The following SLC25A30 variants were observed in gnomAD, a reference collection of about 807,000 sequenced individuals.
The protein encoded by SLC25A30 is kidney mitochondrial carrier protein 1.
Under a neutral mutation model 42.7 loss-of-function variants are expected in SLC25A30, and 29 were observed. The ratio of observed to expected loss-of-function variants is 0.68; its 90% CI spans 0.51 to 0.93. The LOEUF is 0.93. SLC25A30 is among the 40% of genes least tolerant of loss of function. The pLI is 0.00. For missense variants in SLC25A30, 300 were observed against 359.7 expected (o/e 0.83, Z 1.34); for synonymous variants, 124 against 131.0 (o/e 0.95, Z 0.37).
intron 8 of SLC25A30, 143 bp from the exon 9 acceptor site, chr13:45,397,481 A>G: frequency 1.7e-6 from 1 of 590,980 alleles, no homozygotes; most frequent in Non-Finnish European, 3.0e-6. Flanking sequence ...TCACCAGGTC[A>G]GGAGATCAAG....
At chr13:45,423,996 T>C in the SLC25A30 span, among the ~76,000 whole-genome samples, 3 of 70,652 alleles carry the variant, frequency 4.2e-5, no homozygotes, top group Non-Finnish European at 7.9e-5. Flanking sequence ...TATATAAATA[T>C]ATATAAAAAT....
At chr13:45,417,103 T>C (rs960672234) in intron 1 of SLC25A30, among the ~76,000 whole-genome samples, 5 of 152,196 alleles carry the variant, frequency 3.3e-5, no homozygotes. Context: ...AACCTCCGTC[T>C]CCTGGATTCA....
In SLC25A30 at chr13:45,394,531, G is replaced by A. The variant is rs978754788; in HGVS notation, c.*1443C>T. 5.4e-5 allele frequency: 53 copies of A among 985,248 alleles called. No individual in the cohort carries two copies. The African/African-American group carries it at 8.9e-4, about 17-fold the overall frequency. The allele number at this position is 985,248 out of a possible 1,614,324, so 61.0% of individuals were successfully genotyped here. A position where few individuals can be genotyped will look rare whatever the true frequency, so the allele number is the denominator to read the frequency against. The stretch of plus-strand genomic sequence containing the variant: ...TGTTGTTCTCAAAGGGGGAACTGAA[G>A]AGACCCAAATAAATATGTTCCCTGT... On this transcript the variant is annotated 3_prime_UTR_variant, in exon 10 of 10. Transcript: ENST00000519676.
upstream of SLC25A30, among the ~76,000 whole-genome samples, chr13:45,420,005 GA>G (rs376900234): frequency 9.8e-4 from 149 of 152,084 alleles, 1 homozygote; most frequent in African/African-American, 3.2e-3. Flanking sequence ...GGGAAGAAAG[GA>G]AAGGGGAAAG....
At chr13:45,396,941 G>T (rs974174818) in intron 9 of SLC25A30, 18 of 279,388 alleles carry the variant, frequency 6.4e-5, no homozygotes, top group Admixed American at 5.3e-4. Flanking sequence ...TCCCAAGGTG[G>T]CTAGGGCTAT....
At chr13:45,401,517 T>G (rs547569243) in intron 6 of SLC25A30, among the ~76,000 whole-genome samples, 9 of 152,272 alleles carry the variant, frequency 5.9e-5, no homozygotes, top group African/African-American at 1.9e-4. Flanking sequence ...TAGGGGCTAT[T>G]CTATGAACTG....
At chr13:45,416,217 G>A (rs907898145) in intron 1 of SLC25A30, among the ~76,000 whole-genome samples, 1 of 151,808 alleles carries the variant, frequency 6.6e-6, no homozygotes. Context: ...AGACCAGCCT[G>A]GCCAACACGG....
intron 7 of SLC25A30, among the ~76,000 whole-genome samples, chr13:45,400,564 A>C (rs1881872964): frequency 6.6e-6 from 1 of 152,124 alleles, no homozygotes; most frequent in Non-Finnish European, 1.5e-5. Flanking sequence ...TCGCCCAGTC[A>C]AGGCTCACTG....
At position 45,402,268 on chromosome 13, in the gene SLC25A30, G is replaced by C; in HGVS notation, c.489+7C>G. The C allele has an allele frequency of 1.2e-6, 2 of 1,604,630 alleles. No individual in the cohort carries two copies. Among genetic ancestry groups the C allele is most frequent in the Non-Finnish European group, 1.7e-6 (2 of 1,171,752 alleles). ...ATAAATCAGTTCGATCCATCCTTCT[G>C]GCTTACCTTCCACAGTCCTCTTGTC... On this transcript the variant is annotated splice_region_variant and intron_variant, in intron 6 of 9. Coordinates refer to ENST00000519676, the MANE Select transcript of SLC25A30 (RefSeq NM_001010875.4).
chr13:45,398,636 T>C (rs1184409740), intron 8 of SLC25A30: 1 of 207,262 alleles, frequency 4.8e-6, no homozygotes, highest in Non-Finnish European at 9.6e-6. Flanking sequence ...CAGAGATGTC[T>C]GAATGAGGGA....
chr13:45,408,978 T>A lies in SLC25A30; in HGVS notation c.161A>T (p.His54Leu), dbSNP rs763488313. The change falls in exon 3 of 10, where the codon CAC (histidine) becomes CTC (leucine). Residue 54 changes from histidine to leucine, a missense_variant. By Grantham distance (99) the His-to-Leu change is moderately conservative. Coordinates refer to ENST00000519676, the MANE Select transcript of SLC25A30 (RefSeq NM_001010875.4). ...FKEIRYRGML[H>L]ALVRIGREEG... ...TTCTCTGCCTATCCTCACTAATGCG[T>A]GCAACATTCCTCGGTATCTAATTTC... 2 of 1,613,680 alleles carry A rather than the reference T, an allele frequency of 1.2e-6. No homozygotes were observed. Among genetic ancestry groups the A allele is most frequent in the Non-Finnish European group, 1.7e-6 (2 of 1,179,880 alleles).
In SLC25A30 at chr13:45,394,201, C is replaced by T; in HGVS notation, c.*1773G>A. On this transcript the variant is annotated 3_prime_UTR_variant, in exon 10 of 10. Coordinates refer to ENST00000519676, the MANE Select transcript of SLC25A30 (RefSeq NM_001010875.4). ...GGTTGCCCAGGGAGAGCTGGACTTT[C>T]ATCTGAGTCTCAGCAATTAACAGGT... 1 of 985,374 alleles carries T rather than the reference C, an allele frequency of 1.0e-6. No homozygotes were observed. Among genetic ancestry groups the T allele is most frequent in the Non-Finnish European group, 1.2e-6 (1 of 829,930 alleles). 61.0% of individuals were successfully genotyped at this position (985,374 alleles called of 1,614,324 possible). A position where few individuals can be genotyped will look rare whatever the true frequency, so the allele number is the denominator to read the frequency against.
chr13:45,429,554 G>T, the SLC25A30 span, among the ~76,000 whole-genome samples: 4 of 152,072 alleles, frequency 2.6e-5, no homozygotes, highest in Non-Finnish European at 4.4e-5. Flanking sequence ...TGACAGCTGG[G>T]CACAGTGGCT....
chr13:45,396,251 G>T, intron 9 of SLC25A30: 1 of 1,397,612 alleles, frequency 7.2e-7, no homozygotes, highest in South Asian at 1.6e-5. Flanking sequence ...AGCCTCTTCT[G>T]AGATGGCATC....
chr13:45,397,366 T>A (rs1474459189), intron 8 of SLC25A30, 28 bp from the exon 9 acceptor site: 1 of 1,488,176 alleles, frequency 6.7e-7, no homozygotes. Context: ...AAAAGTTAAC[T>A]TCCAACTTTC....
At chr13:45,416,833 A>G (rs1394527635) in intron 1 of SLC25A30, among the ~76,000 whole-genome samples, 1 of 151,950 alleles carries the variant, frequency 6.6e-6, no homozygotes, top group East Asian at 1.9e-4. Context: ...ACAAATTAAG[A>G]ATTTCAAAGG....
intron 9 of SLC25A30, 71 bp from the exon 10 acceptor site, chr13:45,396,086 C>A: frequency 1.2e-6 from 2 of 1,613,850 alleles, no homozygotes; most frequent in Non-Finnish European, 1.7e-6. Flanking sequence ...AACAGACTTA[C>A]AAATGGCACA....
intron 9 of SLC25A30, chr13:45,396,968 T>C (rs1881400674): frequency 3.1e-6 from 1 of 325,476 alleles, no homozygotes; most frequent in African/African-American, 2.2e-5. Flanking sequence ...AATCCTCCTC[T>C]CTCTCTCTCT....
the SLC25A30 span, among the ~76,000 whole-genome samples, chr13:45,432,281 A>C: frequency 8.7e-4 from 132 of 152,182 alleles, 1 homozygote; most frequent in African/African-American, 3.0e-3. Flanking sequence ...AAAAAAAAAA[A>C]AAAACAGTGT....
Sources: allele counts gnomAD v4.1 joint callset (sites outside exome capture counted in the v4.1 genomes callset), GRCh38; gene constraint gnomAD v4.1.1; transcripts MANE v1.5; gene names NCBI Gene and HGNC (gene_info 2026-07-23, HGNC 2026-07-21).